OR2I1: variants seen among roughly 807,000 people sequenced by gnomAD.
OR2I1 encodes putative olfactory receptor 2I1.
the OR2I1 span, chr6:29,556,458 G>T: frequency 1.3e-6 from 1 of 750,058 alleles, no homozygotes; most frequent in Non-Finnish European, 2.1e-6. Context: ...TGGTCCTCTA[G>T]CTCCTATTCA....
chr6:29,556,518 G>C, the OR2I1 span: 1 of 574,514 alleles, frequency 1.7e-6, no homozygotes, highest in East Asian at 2.8e-5. Flanking sequence ...GAATTACCAA[G>C]TTACAACACA....
chr6:29,554,589 G>A, the OR2I1 span: 384 of 155,314 alleles, frequency 2.5e-3, 17 homozygotes, highest in South Asian at 0.061. Flanking sequence ...TCAGAAATCA[G>A]TCCAACTTAG....
At chr6:29,550,836 G>C in the OR2I1 span, 1 of 152,204 alleles carries the variant, frequency 6.6e-6, no homozygotes, top group African/African-American at 2.4e-5. Flanking sequence ...GTAAACATTA[G>C]TGCCAAAGAT....
the OR2I1 span, chr6:29,553,611 T>A: frequency 3.8e-5 from 15 of 398,368 alleles, no homozygotes; most frequent in African/African-American, 2.3e-4. Context: ...CGCTGCGCTA[T>A]GCGGGGCTCG....
At chr6:29,552,687 G>T in the OR2I1 span, 20,042 of 152,266 alleles carry the variant, frequency 0.13, 2,983 homozygotes, top group African/African-American at 0.37. Flanking sequence ...CAGTTATACA[G>T]TTACACAGTT....
At chr6:29,553,430 G>T in the OR2I1 span, 2 of 398,744 alleles carry the variant, frequency 5.0e-6, no homozygotes, top group Non-Finnish European at 8.8e-6. Context: ...GTAGACGCGG[G>T]CTTCACTACT....
At chr6:29,554,187 G>C in the OR2I1 span, 1 of 398,828 alleles carries the variant, frequency 2.5e-6, no homozygotes, top group Non-Finnish European at 4.4e-6. Context: ...AGGGGAGAAA[G>C]TATTAAGCCA....
chr6:29,556,226 A>G, the OR2I1 span: 91,844 of 1,612,944 alleles, frequency 0.057, 10,453 homozygotes, highest in African/African-American at 0.45. Context: ...GGAGCCCAGC[A>G]AAAGAACCTG....
chr6:29,556,447 C>T, the OR2I1 span: 3 of 848,850 alleles, frequency 3.5e-6, no homozygotes, highest in East Asian at 7.6e-5. Flanking sequence ...CACTATCTAT[C>T]TGGTCCTCTA....
chr6:29,554,502 TC>T, the OR2I1 span: 10 of 192,138 alleles, frequency 5.2e-5, no homozygotes, highest in Admixed American at 1.8e-4. Flanking sequence ...ATCAGAAGTC[TC>T]AAGTTGACAA....
At chr6:29,552,619 T>A in the OR2I1 span, among the ~76,000 whole-genome samples, 1 of 116,596 alleles carries the variant, frequency 8.6e-6, no homozygotes, top group African/African-American at 3.4e-5. Context: ...AGAGAGAACA[T>A]GAGGAGGAGG....
At chr6:29,553,366 C>A in the OR2I1 span, 1 of 399,274 alleles carries the variant, frequency 2.5e-6, no homozygotes, top group Non-Finnish European at 4.4e-6. Flanking sequence ...GCTGGCGGTG[C>A]GCGACCCGCG....
chr6:29,552,691 C>T, the OR2I1 span: 4 of 152,360 alleles, frequency 2.6e-5, no homozygotes, highest in Admixed American at 2.6e-4. Context: ...TATACAGTTA[C>T]ACAGTTATAC....
chr6:29,556,299 A>G, the OR2I1 span: 2 of 1,612,948 alleles, frequency 1.2e-6, no homozygotes, highest in Non-Finnish European at 1.7e-6. Context: ...ACGCTGTCAT[A>G]TGGGTTGGCA....
the OR2I1 span, chr6:29,555,470 G>T: frequency 5.3e-6 from 1 of 189,080 alleles, no homozygotes; most frequent in African/African-American, 2.4e-5. Flanking sequence ...TATAAATAAA[G>T]CACTGGACTT....
At chr6:29,555,578 T>G in the OR2I1 span, 1 of 367,052 alleles carries the variant, frequency 2.7e-6, no homozygotes, top group South Asian at 6.3e-5. Flanking sequence ...TTTGCATAAA[T>G]AACAAGGTAT....
the OR2I1 span, chr6:29,553,102 T>C: frequency 1.0e-5 from 4 of 397,710 alleles, no homozygotes; most frequent in Non-Finnish European, 1.8e-5. Context: ...ACTGACCTTG[T>C]ATATGATTCC....
At chr6:29,556,071 G>C in the OR2I1 span, 7 of 1,613,106 alleles carry the variant, frequency 4.3e-6, no homozygotes, top group Non-Finnish European at 5.9e-6. Flanking sequence ...ACCTGGAGGA[G>C]GTGCCTCTTT....
At chr6:29,556,036 T>C in the OR2I1 span, 18 of 1,613,142 alleles carry the variant, frequency 1.1e-5, no homozygotes, top group Non-Finnish European at 1.5e-5. Flanking sequence ...TTGCTTTCAC[T>C]TGTGCCACTG....
Sources: allele counts gnomAD v4.1 joint callset (sites outside exome capture counted in the v4.1 genomes callset), GRCh38; gene constraint gnomAD v4.1.1; transcripts MANE v1.5; gene names NCBI Gene and HGNC (gene_info 2026-07-23, HGNC 2026-07-21).